The following SPHKAP variants were observed in gnomAD, a reference collection of about 807,000 sequenced individuals.
The protein encoded by SPHKAP is A-kinase anchor protein SPHKAP.
A neutral mutation model predicts 137.5 loss-of-function variants in SPHKAP; 67 were observed. The observed-to-expected ratio is 0.49, with a 90% confidence interval of 0.40 to 0.60. The LOEUF is 0.60. SPHKAP is among the 20% of genes least tolerant of loss of function. The pLI is 0.00. For synonymous variants in SPHKAP, 813 were observed against 785.3 expected (o/e 1.04, Z -0.59); for missense variants, 2,097 against 2,069.3 (o/e 1.01, Z -0.26).
chr2:227,981,882 G>A, intron 11 of SPHKAP, 22 bp from the exon 12 acceptor site: 1 of 1,608,270 alleles, frequency 6.2e-7, no homozygotes, highest in African/African-American at 1.3e-5. Flanking sequence ...CGGAGAGTTA[G>A]GGCTCACAGA....
At chr2:228,041,723 C>G (rs1000425245) in intron 3 of SPHKAP, among the ~76,000 whole-genome samples, 28 of 151,382 alleles carry the variant, frequency 1.8e-4, no homozygotes, top group Non-Finnish European at 3.5e-4. Context: ...AGGGTATAAC[C>G]TTGTCTTAGA....
intron 8 of SPHKAP, among the ~76,000 whole-genome samples, chr2:227,994,567 A>G (rs988236738): frequency 6.6e-6 from 1 of 152,132 alleles, no homozygotes; most frequent in Admixed American, 6.6e-5. Flanking sequence ...AAAGTAGAAA[A>G]TATCAACTGG....
At chr2:228,114,628 A>G (rs1698646535) in intron 2 of SPHKAP, among the ~76,000 whole-genome samples, 1 of 152,206 alleles carries the variant, frequency 6.6e-6, no homozygotes, top group Non-Finnish European at 1.5e-5. Context: ...TCAACAGAGT[A>G]TGCAATTGAT....
chr2:228,060,230 A>C (rs1268294757), intron 3 of SPHKAP, among the ~76,000 whole-genome samples: 4 of 152,302 alleles, frequency 2.6e-5, no homozygotes, highest in South Asian at 4.1e-4. Flanking sequence ...TACTGAGTTC[A>C]TGGCTTTTTT....
intron 1 of SPHKAP, among the ~76,000 whole-genome samples, chr2:228,133,891 A>G (rs1699346009): frequency 6.6e-6 from 1 of 152,216 alleles, no homozygotes; most frequent in Non-Finnish European, 1.5e-5. Flanking sequence ...ATCTGCACAG[A>G]GTAATTAAAA....
chr2:228,118,392 C>T (rs1437499328), intron 2 of SPHKAP, among the ~76,000 whole-genome samples: 1 of 151,654 alleles, frequency 6.6e-6, no homozygotes, highest in Non-Finnish European at 1.5e-5. Context: ...GGTAAGTACC[C>T]AAGAATGAAA....
At chr2:228,172,617 C>G (rs560890632) in intron 1 of SPHKAP, among the ~76,000 whole-genome samples, 22 of 152,264 alleles carry the variant, frequency 1.4e-4, no homozygotes, top group African/African-American at 5.1e-4. Context: ...CTGGGTCAGG[C>G]AGGATGGGCT....
At chr2:228,091,312 T>G (rs1019449623) in intron 3 of SPHKAP, among the ~76,000 whole-genome samples, 6 of 152,106 alleles carry the variant, frequency 3.9e-5, no homozygotes, top group Admixed American at 1.3e-4. Flanking sequence ...ACTATGAAAA[T>G]TCTAGAAGAT....
chr2:228,107,733 C>G (rs904353719), intron 3 of SPHKAP, among the ~76,000 whole-genome samples: 11 of 152,154 alleles, frequency 7.2e-5, no homozygotes, highest in Admixed American at 7.2e-4. Flanking sequence ...CCTGAATTTT[C>G]CAACTCATCT....
intron 3 of SPHKAP, among the ~76,000 whole-genome samples, chr2:228,085,109 T>C (rs144896277): frequency 6.8e-4 from 104 of 152,346 alleles, no homozygotes; most frequent in African/African-American, 2.4e-3. Flanking sequence ...CTGTTCTCAT[T>C]AATTAAGCAA....
chr2:228,106,693 A>G (rs938901139), intron 3 of SPHKAP, among the ~76,000 whole-genome samples: 5 of 152,158 alleles, frequency 3.3e-5, no homozygotes, highest in African/African-American at 1.2e-4. Context: ...TCCTTGTCCT[A>G]GTCCATCACC....
At position 228,019,482 on chromosome 2, in the gene SPHKAP, CA is replaced by C; in HGVS notation, c.1371del (p.Asp457GlufsTer40). ...CCTGGCTGTGGGGCAGCATCACTGC[CA>C]TCTGGACTCTGAACAACGACGATTT... is the stretch of plus-strand genomic sequence containing the variant. ...LPKIVVVQSPDGSDAAPQPGI... is the reference protein window; with the variant it reads ...LPKIVVVQSPXGSDAAPQPGI... On this transcript the variant is annotated frameshift_variant, in exon 7 of 12. Transcript: ENST00000392056. LOFTEE classifies it high-confidence loss of function. The C allele has an allele frequency of 6.2e-7, 1 of 1,614,172 alleles. No homozygotes were observed. The highest frequency in any genetic ancestry group is 8.5e-7 in the Non-Finnish European group (1 of 1,180,028).
intron 7 of SPHKAP, among the ~76,000 whole-genome samples, chr2:228,012,109 G>A (rs528550758): frequency 2.7e-5 from 4 of 147,108 alleles, no homozygotes; most frequent in Non-Finnish European, 3.0e-5. Context: ...TTGGGGCTGC[G>A]GTGAGCCATG....
At position 227,995,485 on chromosome 2, in the gene SPHKAP, G is replaced by A. The variant is rs573498871; in HGVS notation, c.4634+24C>T. 85 of 1,613,602 alleles carry A rather than the reference G, an allele frequency of 5.3e-5. No individual in the cohort carries two copies. The East Asian group carries it at 1.8e-3, about 35-fold the overall frequency. On this transcript the variant is annotated intron_variant, in intron 8 of 11. Coordinates refer to ENST00000392056, the MANE Select transcript of SPHKAP (RefSeq NM_001142644.2). ...ATCTGTGTTGAGACCAATTTCCCTGGGAATTCAAGGGAAGAGCAGGTACCT... is the reference window on the plus strand; with the variant it reads ...ATCTGTGTTGAGACCAATTTCCCTGAGAATTCAAGGGAAGAGCAGGTACCT...
At chr2:228,092,314 T>TGTATACGTGCACACACACGTGTATGTGC (rs1697796433) in intron 3 of SPHKAP, among the ~76,000 whole-genome samples, 2 of 98,646 alleles carry the variant, frequency 2.0e-5, no homozygotes, top group African/African-American at 3.7e-5. Context: ...CGTGTATGTG[T>TGTATACGTGCACACACACGTGTATGTGC]GTGTATACGT....
chr2:228,005,878 C>T (rs547304381), intron 7 of SPHKAP, among the ~76,000 whole-genome samples: 2 of 151,706 alleles, frequency 1.3e-5, no homozygotes, highest in South Asian at 2.1e-4. Context: ...AATATTGGCC[C>T]CCACTCTGTA....
chr2:228,020,988 T>A (rs1307531225), intron 6 of SPHKAP, among the ~76,000 whole-genome samples: 1 of 152,084 alleles, frequency 6.6e-6, no homozygotes, highest in African/African-American at 2.4e-5. Context: ...GAAGGGAGGA[T>A]GTTTACGGCA....
intron 8 of SPHKAP, among the ~76,000 whole-genome samples, chr2:227,994,987 T>A (rs1305147725): frequency 6.6e-6 from 1 of 152,198 alleles, no homozygotes; most frequent in Non-Finnish European, 1.5e-5. Flanking sequence ...TTAGTTAATG[T>A]CTCCTGACTG....
intron 3 of SPHKAP, among the ~76,000 whole-genome samples, chr2:228,074,448 A>G (rs1336899996): frequency 6.6e-6 from 1 of 152,172 alleles, no homozygotes; most frequent in Admixed American, 6.5e-5. Context: ...CACATCTTAC[A>G]TGGCAGCAGG....
Sources: allele counts gnomAD v4.1 joint callset (sites outside exome capture counted in the v4.1 genomes callset), GRCh38; gene constraint gnomAD v4.1.1; transcripts MANE v1.5; gene names NCBI Gene and HGNC (gene_info 2026-07-23, HGNC 2026-07-21).